Variants in LRP1B observed in about 807,000 individuals in gnomAD.
The protein encoded by LRP1B is low-density lipoprotein receptor-related protein 1B.
In LRP1B, 217 loss-of-function variants were observed where a neutral mutation model predicts 556.6. The ratio of observed to expected loss-of-function variants is 0.39; its 90% CI spans 0.35 to 0.44. The LOEUF is 0.44. Among genes scored for constraint, LRP1B ranks in the 20% least tolerant of loss-of-function variants. The pLI is 1.00. For synonymous variants in LRP1B, 2,047 were observed against 1,865.8 expected (o/e 1.10, Z -2.50); for missense variants, 5,053 against 5,620.8 (o/e 0.90, Z 3.23).
chr2:141,466,110 A>C (rs980249271), intron 3 of LRP1B, among the ~76,000 whole-genome samples: 10 of 147,248 alleles, frequency 6.8e-5, no homozygotes, highest in Non-Finnish European at 1.5e-4. Context: ...GCTGGTCTTG[A>C]ACTCCTGACC....
In LRP1B at chr2:140,473,475, TTA is replaced by T. The variant is rs1687848088; in HGVS notation, c.9625+1661_9625+1662del. Among the ~76,000 whole-genome samples the T allele has an allele frequency of 2.6e-5, 4 of 151,990 alleles. 1 individual carries two copies. The highest frequency in any genetic ancestry group is 2.1e-4 in the South Asian group (1 of 4,834). ...TCTCTATCCAAAGTCACCACCAGTG[TTA>T]TGATTGACACTTTAACATGCACTTA... is the stretch of plus-strand genomic sequence containing the variant. On this transcript the variant is annotated intron_variant, in intron 60 of 90. Transcript: ENST00000389484.
At chr2:140,918,369 T>C (rs1055293342) in intron 21 of LRP1B, among the ~76,000 whole-genome samples, 4 of 152,070 alleles carry the variant, frequency 2.6e-5, no homozygotes, top group African/African-American at 7.2e-5. Flanking sequence ...TTAAACACAT[T>C]TAATAAAGCT....
chr2:141,028,298 G>C (rs940025866), intron 11 of LRP1B, among the ~76,000 whole-genome samples: 1 of 151,210 alleles, frequency 6.6e-6, no homozygotes, highest in Non-Finnish European at 1.5e-5. Flanking sequence ...AGGTATTAGT[G>C]AATAATAACT....
At chr2:141,842,053 T>C (rs532085562) in intron 1 of LRP1B, among the ~76,000 whole-genome samples, 2 of 151,986 alleles carry the variant, frequency 1.3e-5, no homozygotes, top group South Asian at 4.2e-4. Context: ...GATCTGAAAA[T>C]TGTGATTTAT....
chr2:141,264,236 G>T (rs182211472), intron 3 of LRP1B, among the ~76,000 whole-genome samples: 1 of 152,080 alleles, frequency 6.6e-6, no homozygotes, highest in African/African-American at 2.4e-5. Context: ...ACCAGAACTA[G>T]TAAGCAATTA....
chr2:140,392,388 A>G (rs1290617079), intron 66 of LRP1B, among the ~76,000 whole-genome samples: 1 of 152,140 alleles, frequency 6.6e-6, no homozygotes, highest in African/African-American at 2.4e-5. Context: ...CCTGAGACAA[A>G]TGCATATCTG....
intron 41 of LRP1B, among the ~76,000 whole-genome samples, chr2:140,628,068 G>A (rs1683732250): frequency 6.6e-6 from 1 of 152,140 alleles, no homozygotes; most frequent in Non-Finnish European, 1.5e-5. Flanking sequence ...CATTACCAAG[G>A]ACTTTCCTTT....
At chr2:140,791,169 G>A (rs1235584516) in intron 32 of LRP1B, among the ~76,000 whole-genome samples, 1 of 152,014 alleles carries the variant, frequency 6.6e-6, no homozygotes, top group Admixed American at 6.5e-5. Flanking sequence ...CAGGAGAATC[G>A]TTTGAACCCA....
At chr2:141,052,966 T>C (rs753165696) in intron 10 of LRP1B, among the ~76,000 whole-genome samples, 5 of 152,054 alleles carry the variant, frequency 3.3e-5, no homozygotes, top group Non-Finnish European at 5.9e-5. Context: ...GATGTCTTAA[T>C]TGGTAATTGA....
chr2:142,073,083 C>G (rs568962016), intron 1 of LRP1B, among the ~76,000 whole-genome samples: 5 of 152,134 alleles, frequency 3.3e-5, no homozygotes, highest in African/African-American at 9.6e-5. Context: ...CATCTTCACT[C>G]TCTGCACTAA....
At chr2:141,169,315 T>G (rs1473240492) in intron 7 of LRP1B, among the ~76,000 whole-genome samples, 1 of 148,366 alleles carries the variant, frequency 6.7e-6, no homozygotes, top group Admixed American at 6.7e-5. Context: ...AATAAATAAA[T>G]AAATAAATAA....
intron 2 of LRP1B, among the ~76,000 whole-genome samples, chr2:141,646,901 A>T (rs1327932924): frequency 6.6e-6 from 1 of 152,324 alleles, no homozygotes; most frequent in African/African-American, 2.4e-5. Context: ...CAAGGGGGGA[A>T]CAAGCTCCAG....
chr2:140,867,503 A>G, intron 27 of LRP1B, 87 bp downstream of exon 27: 1 of 1,362,270 alleles, frequency 7.3e-7, no homozygotes, highest in Non-Finnish European at 9.8e-7. Context: ...CTTTTAACTT[A>G]TAGAAGTTAT....
At chr2:141,466,430 C>G (rs893659730) in intron 3 of LRP1B, among the ~76,000 whole-genome samples, 2 of 152,194 alleles carry the variant, frequency 1.3e-5, no homozygotes, top group African/African-American at 4.8e-5. Flanking sequence ...TATCCATTAT[C>G]TTCTTCTTCC....
At chr2:140,616,401 T>G (rs1357437484) in intron 41 of LRP1B, among the ~76,000 whole-genome samples, 4 of 151,852 alleles carry the variant, frequency 2.6e-5, no homozygotes, top group Non-Finnish European at 5.9e-5. Context: ...GTCTCCTTAT[T>G]CAATCTATAG....
chr2:140,974,704 GC>G (rs900297025), intron 18 of LRP1B, among the ~76,000 whole-genome samples: 1 of 152,116 alleles, frequency 6.6e-6, no homozygotes, highest in African/African-American at 2.4e-5. Flanking sequence ...CATGGCCCTG[GC>G]CCACTTAGAT....
intron 66 of LRP1B, among the ~76,000 whole-genome samples, chr2:140,415,147 C>T (rs1382304196): frequency 6.6e-6 from 1 of 152,108 alleles, no homozygotes; most frequent in Non-Finnish European, 1.5e-5. Flanking sequence ...TGGGGTCAGA[C>T]CGGTTCTCTG....
chr2:141,079,606 CTTCT>C (rs767049565), intron 7 of LRP1B, among the ~76,000 whole-genome samples: 1 of 152,020 alleles, frequency 6.6e-6, no homozygotes, highest in Non-Finnish European at 1.5e-5. Context: ...CCTTCCCTTC[CTTCT>C]CTCTTTTCAT....
chr2:141,272,922 G>T lies in LRP1B; in HGVS notation c.344-18281C>A, dbSNP rs761320583. 3.9e-5 allele frequency among the ~76,000 whole-genome samples: 6 copies of T among 152,152 alleles called. No homozygotes were observed. The South Asian group carries it at 1.0e-3, about 26-fold the overall frequency. On this transcript the variant is annotated intron_variant, in intron 3 of 90. Coordinates refer to ENST00000389484, the MANE Select transcript of LRP1B (RefSeq NM_018557.3). The stretch of plus-strand genomic sequence containing the variant: ...TAATGGCAAGAACAATTAAGCAGTA[G>T]ATCAACAAAGAATAGAATACTTGAG...
Sources: gnomAD v4.1 joint callset for allele counts (sites outside exome capture counted in the v4.1 genomes callset) on GRCh38, gnomAD v4.1.1 for gene constraint, MANE v1.5 for transcripts, NCBI Gene and HGNC (gene_info 2026-07-23, HGNC 2026-07-21) for gene names.